KIF21B: variants seen among roughly 807,000 people sequenced by gnomAD.
The protein encoded by KIF21B is kinesin family member 21B.
A neutral mutation model predicts 192.9 loss-of-function variants in KIF21B; 85 were observed. The observed-to-expected ratio is 0.44, with a 90% CI of 0.37 to 0.53. The LOEUF is 0.53. KIF21B is among the 20% of genes least tolerant of loss of function. The pLI is 0.00. For synonymous variants in KIF21B, 832 were observed against 884.6 expected (o/e 0.94, Z 1.05); for missense variants, 1,716 against 2,194.8 (o/e 0.78, Z 4.36).
intron 34 of KIF21B, chr1:200,974,329 T>C: frequency 1.9e-6 from 2 of 1,038,630 alleles, no homozygotes; most frequent in Admixed American, 3.0e-5. Context: ...GCCTGGCTGC[T>C]CCCCACACAG....
chr1:201,021,518 G>C (rs1356722007), intron 1 of KIF21B, among the ~76,000 whole-genome samples: 1 of 152,234 alleles, frequency 6.6e-6, no homozygotes, highest in African/African-American at 2.4e-5. Flanking sequence ...TCCTGAACTG[G>C]GTGCAGAGGG....
At chr1:201,007,000 G>A (rs1262312481) in intron 3 of KIF21B, among the ~76,000 whole-genome samples, 89 of 27,528 alleles carry the variant, frequency 3.2e-3, no homozygotes, top group Admixed American at 6.7e-3. Flanking sequence ...ACACAGACAC[G>A]GACACAGAGA....
rs745512097 is a variant in KIF21B at position 201,003,709 on chromosome 1, A to G, written c.1089T>C (p.Tyr363=). ...TCTTGATGTTGCGGGCCCGATTGGC[A>G]TATTTGAGTGTGTTGAGGGTCTCCA... The part of the protein sequence containing the change: ...DFMETLNTLK[Y]ANRARNIKNK... Residue 363 remains tyrosine, a synonymous_variant, in exon 8 of 35, where the codon TAT becomes TAC. Transcript: ENST00000461742. 3.7e-6 allele frequency: 6 copies of G among 1,613,948 alleles called. No homozygotes were observed. The East Asian group carries it at 8.9e-5, about 24-fold the overall frequency.
In KIF21B at chr1:200,973,488, C is replaced by G. The variant is rs982686351; in HGVS notation, c.*33G>C. 11 of 1,417,294 alleles carry G rather than the reference C, an allele frequency of 7.8e-6. No homozygotes were observed. Among genetic ancestry groups the G allele is most frequent in the Non-Finnish European group, 1.0e-5 (11 of 1,093,584 alleles). 87.8% of individuals were successfully genotyped at this position (1,417,294 alleles called of 1,614,324 possible). Reference sequence around the variant, plus strand: ...TCCATGGTGTCCAGGCTGCTGGGGTCGAGGGTCCGGGGGCATCCCTCTGAC... The same window carrying G: ...TCCATGGTGTCCAGGCTGCTGGGGTGGAGGGTCCGGGGGCATCCCTCTGAC... On this transcript the variant is annotated 3_prime_UTR_variant, in exon 35 of 35. Coordinates refer to ENST00000461742, the MANE Select transcript of KIF21B (RefSeq NM_001252102.2).
intron 24 of KIF21B, among the ~76,000 whole-genome samples, chr1:200,987,650 T>C (rs1036344683): frequency 3.3e-5 from 5 of 152,268 alleles, no homozygotes; most frequent in East Asian, 1.9e-4. Context: ...TAAACTCTTA[T>C]GGTTTCTGGA....
At chr1:201,001,392 A>T (rs1032491046) in intron 9 of KIF21B, 3 of 152,788 alleles carry the variant, frequency 2.0e-5, no homozygotes, top group Admixed American at 6.5e-5. Flanking sequence ...AGGTTTTTTT[A>T]AATTTTTATT....
Position 200,975,164 on chromosome 1 carries a change from C to G in KIF21B, c.4615-251G>C, listed in dbSNP as rs1274032142. Among the ~76,000 whole-genome samples the G allele has an allele frequency of 6.6e-6, 1 of 151,904 alleles. No homozygotes were observed. Among genetic ancestry groups the G allele is most frequent in the Non-Finnish European group, 1.5e-5 (1 of 68,026 alleles). ...CTAAGATCCTGCCCTGGCAGAGAAC[C>G]CTTCAGCCCTCACACGGGTCAGGCT... On this transcript the variant is annotated intron_variant, in intron 33 of 34. Coordinates refer to ENST00000461742, the MANE Select transcript of KIF21B (RefSeq NM_001252102.2). This position sits in a 1 kb window ranked among gnomAD's most constrained non-coding sequence, Gnocchi z 4.3.
intron 27 of KIF21B, among the ~76,000 whole-genome samples, 171 bp downstream of exon 27, chr1:200,984,678 TGGTTAGTACA>T (rs1179405733): frequency 6.6e-6 from 1 of 152,160 alleles, no homozygotes; most frequent in Non-Finnish European, 1.5e-5. Flanking sequence ...GAAGGGCCCA[TGGTTAGTACA>T]GGAAGGAGAG....
chr1:200,991,239 AAC>A (rs1475788599), intron 17 of KIF21B, 90 bp from the exon 18 acceptor site: 3 of 1,013,128 alleles, frequency 3.0e-6, no homozygotes, highest in Non-Finnish European at 4.5e-6. Context: ...GGGCAGCAGG[AAC>A]ACAGAGGCTG....
At position 200,975,037 on chromosome 1, in the gene KIF21B, G is replaced by T; in HGVS notation, c.4615-124C>A. The T allele has an allele frequency of 1.1e-6, 1 of 938,060 alleles. No individual in the cohort carries two copies. The highest frequency in any genetic ancestry group is 1.6e-6 in the Non-Finnish European group (1 of 619,912). The allele number at this position is 938,060 out of a possible 1,614,324, so 58.1% of individuals were successfully genotyped here. A position where few individuals can be genotyped will look rare whatever the true frequency, so the allele number is the denominator to read the frequency against. On this transcript the variant is annotated intron_variant, in intron 33 of 34. Coordinates refer to ENST00000461742, the MANE Select transcript of KIF21B (RefSeq NM_001252102.2). This position sits in a 1 kb window ranked among gnomAD's most constrained non-coding sequence, Gnocchi z 4.3. Reference sequence around the variant, plus strand: ...CCCCTGGCCTCTAGAGCTGCCACACGGGCGGGTGACACTGGTTCCAGGAGC... The same window carrying T: ...CCCCTGGCCTCTAGAGCTGCCACACTGGCGGGTGACACTGGTTCCAGGAGC...
At position 201,002,359 on chromosome 1, in the gene KIF21B, A is replaced by AG; in HGVS notation, c.1213-10dup. On this transcript the variant is annotated splice_polypyrimidine_tract_variant and intron_variant, in intron 8 of 34. Transcript: ENST00000461742. The stretch of plus-strand genomic sequence containing the variant: ...CCTATCACTCGCTTGCCCTGGGAGC[A>AG]GGGGCAAAGGGGAGCAGTCAGGCAG... 6.2e-7 allele frequency: 1 copy of AG among 1,606,606 alleles called. No individual in the cohort carries two copies. Among genetic ancestry groups the AG allele is most frequent in the Non-Finnish European group, 8.5e-7 (1 of 1,173,724 alleles).
chr1:201,007,747 C>T (rs1418410467), intron 3 of KIF21B, among the ~76,000 whole-genome samples: 1 of 151,506 alleles, frequency 6.6e-6, no homozygotes, highest in Non-Finnish European at 1.5e-5. Flanking sequence ...CACACATACA[C>T]AGATGCACTC....
rs1378598324 is a variant in KIF21B, at chr1:201,000,937, G to A, written c.1403-157C>T. ...AGCCTGACCAACATGGAGAAACCCC[G>A]TCTCTACTAAAAATACAAAATTAGC... On this transcript the variant is annotated intron_variant, in intron 9 of 34. Coordinates refer to ENST00000461742, the MANE Select transcript of KIF21B (RefSeq NM_001252102.2). The surrounding 1 kb of genome is among the most constrained non-coding windows in gnomAD (Gnocchi z 6.0). Among the ~76,000 whole-genome samples, 2 of 152,058 alleles carry A rather than the reference G, an allele frequency of 1.3e-5. No homozygotes were observed. Among genetic ancestry groups the A allele is most frequent in the African/African-American group, 2.4e-5 (1 of 41,394 alleles).
At chr1:200,974,259 G>C in intron 34 of KIF21B, 43 of 1,454,360 alleles carry the variant, frequency 3.0e-5, no homozygotes, top group Non-Finnish European at 3.6e-5. Context: ...GGAGGGGAGA[G>C]AAGGGACAAA....
rs778918438 is a variant in KIF21B at position 200,996,347 on chromosome 1, T to C, written c.2126A>G (p.Asp709Gly). 6.2e-7 allele frequency: 1 copy of C among 1,614,026 alleles called. No homozygotes were observed. Among genetic ancestry groups the C allele is most frequent in the Non-Finnish European group, 8.5e-7 (1 of 1,180,030 alleles). Residue 709 changes from aspartate to glycine, a missense_variant, in exon 15 of 35, where the codon GAC becomes GGC. Asp to Gly is a moderately conservative substitution (Grantham distance 94). Transcript: ENST00000461742. ...CATCTCCCGCAGCCTCTTCTCATAG[T>C]CTGCCTTGATCTTGTTGGCCTTCTC... The part of the protein sequence containing the change: ...TEEKANKIKA[D>G]YEKRLREMNR...
At chr1:200,996,491 A>G in intron 14 of KIF21B, 96 bp from the exon 15 acceptor site, 1 of 1,095,004 alleles carries the variant, frequency 9.1e-7, no homozygotes, top group Non-Finnish European at 1.4e-6. Flanking sequence ...CCTCTGTTCC[A>G]GTCTCATTGT....
intron 22 of KIF21B, 39 bp downstream of exon 22, chr1:200,988,727 G>A (rs1323252901): frequency 1.9e-6 from 3 of 1,580,246 alleles, no homozygotes; most frequent in East Asian, 2.3e-5. Flanking sequence ...GCACTGGAAT[G>A]CCAAGGAGCT....
At position 200,977,196 on chromosome 1, in the gene KIF21B, C is replaced by G. The variant is rs1481215633; in HGVS notation, c.4325+16G>C. 6.3e-7 allele frequency: 1 copy of G among 1,599,996 alleles called. No homozygotes were observed. Among genetic ancestry groups the G allele is most frequent in the Non-Finnish European group, 8.6e-7 (1 of 1,169,150 alleles). On this transcript the variant is annotated intron_variant, in intron 31 of 34. Coordinates refer to ENST00000461742, the MANE Select transcript of KIF21B (RefSeq NM_001252102.2). ...GGAATGCCAAACCCTCCTCCCTCCC[C>G]AGGTATCACGCTGACCTGCTAAGCT...
chr1:200,999,964 G>T lies in KIF21B; in HGVS notation c.1686C>A (p.Ser562Arg), dbSNP rs1226526071. ...KKKEVRQRRK[S>R]PEKEAFKKRA... is the part of the protein sequence containing the mutation. ...TCTTTTTGAAGGCTTCCTTCTCGGG[G>T]CTGCTCAGGGAGGACAGGGAAGCTG... Residue 562 changes from serine to arginine, a missense_variant and splice_region_variant, in exon 12 of 35, where the codon AGC becomes AGA. Physicochemically the swap from Ser to Arg is moderately radical, Grantham distance 110 (BLOSUM62 -1). Coordinates refer to ENST00000461742, the MANE Select transcript of KIF21B (RefSeq NM_001252102.2). This position sits in a 1 kb window ranked among gnomAD's most constrained non-coding sequence, Gnocchi z 4.7. 5.0e-6 allele frequency: 8 copies of T among 1,613,588 alleles called. No individual in the cohort carries two copies. Among genetic ancestry groups the T allele is most frequent in the Non-Finnish European group, 5.9e-6 (7 of 1,179,976 alleles).
Sources: gnomAD v4.1 joint callset for allele counts (sites outside exome capture counted in the v4.1 genomes callset) on GRCh38, gnomAD v4.1.1 for gene constraint, Gnocchi (gnomAD v3.1) non-coding constraint, MANE v1.5 for transcripts, NCBI Gene and HGNC (gene_info 2026-07-23, HGNC 2026-07-21) for gene names.